Variants in DLGAP2 observed in about 807,000 individuals in gnomAD.
The protein encoded by DLGAP2 is disks large-associated protein 2.
A neutral mutation model predicts 100.3 loss-of-function variants in DLGAP2; 26 were observed. The observed-to-expected ratio is 0.26, with a 90% confidence interval of 0.19 to 0.36. The LOEUF (loss-of-function observed/expected upper bound fraction) is 0.36. Among genes scored for constraint, DLGAP2 ranks in the 10% least tolerant of loss-of-function variants. The pLI, the probability that DLGAP2 is intolerant of heterozygous loss-of-function variation, is 1.00. For synonymous variants in DLGAP2, 886 were observed against 630.1 expected, an observed-to-expected ratio of 1.41 and a Z score of -6.08; for missense variants, 1,858 against 1,453.2, an observed-to-expected ratio of 1.28 and a Z score of -4.53.
intron 2 of DLGAP2, among the ~76,000 whole-genome samples, chr8:1,175,845 C>T (rs570677490): frequency 6.6e-6 from 1 of 152,308 alleles, no homozygotes; most frequent in Admixed American, 6.5e-5. Flanking sequence ...ATTGGATTTA[C>T]ACAAACCTAG....
At position 1,007,152 on chromosome 8, in the gene DLGAP2, A is replaced by G. The variant is rs1459525655; in HGVS notation, c.73+99186A>G. 3.3e-5 allele frequency among the ~76,000 whole-genome samples: 5 copies of G among 150,400 alleles called. No individual in the cohort carries two copies. The East Asian group carries it at 1.0e-3, about 30-fold the overall frequency. The stretch of plus-strand genomic sequence containing the variant: ...GATATGGTCCTTTATCACGTCGGGT[A>G]TGCCGTGTATATGAAGTCTCGGGAT... On this transcript the variant is annotated intron_variant, in intron 2 of 14. Coordinates refer to ENST00000637795, the MANE Select transcript of DLGAP2 (RefSeq NM_001346810.2).
chr8:827,217 A>G (rs1190629254), intron 1 of DLGAP2, among the ~76,000 whole-genome samples: 1 of 152,192 alleles, frequency 6.6e-6, no homozygotes, highest in African/African-American at 2.4e-5. Flanking sequence ...CTTCATTTGT[A>G]TTACCTAACC....
intron 3 of DLGAP2, among the ~76,000 whole-genome samples, chr8:1,288,086 AGT>A (rs1255759349): frequency 1.9e-5 from 2 of 105,492 alleles, no homozygotes; most frequent in African/African-American, 3.9e-5. Flanking sequence ...GTTTCGGTTC[AGT>A]GTGTGTGTGT....
intron 2 of DLGAP2, among the ~76,000 whole-genome samples, chr8:1,210,937 G>A (rs1159480160): frequency 9.1e-6 from 1 of 110,132 alleles, no homozygotes; most frequent in Non-Finnish European, 2.2e-5. Flanking sequence ...AGCAATCAAT[G>A]CCATTTTCCA....
chr8:1,294,072 G>A (rs1231353106), intron 3 of DLGAP2, among the ~76,000 whole-genome samples: 1 of 152,078 alleles, frequency 6.6e-6, no homozygotes, highest in African/African-American at 2.4e-5. Context: ...ACTCGCCCTC[G>A]CTTCCTGGAA....
rs60041734 is a variant in DLGAP2, at chr8:939,004, G to A, written c.73+31038G>A. Among the ~76,000 whole-genome samples, 516 of 152,364 alleles carry A rather than the reference G, an allele frequency of 3.4e-3. 3 individuals carry two copies. Among genetic ancestry groups the A allele is most frequent in the African/African-American group, 0.011 (460 of 41,574 alleles). On this transcript the variant is annotated intron_variant, in intron 2 of 14. Transcript: ENST00000637795. ...ACCTCTGCAGGCAACCTCCAGAGAC[G>A]CAGCAGAGCAGCCACCGGCAGGGCT...
intron 1 of DLGAP2, among the ~76,000 whole-genome samples, chr8:769,704 G>C (rs961854698): frequency 6.6e-6 from 1 of 152,146 alleles, no homozygotes; most frequent in Non-Finnish European, 1.5e-5. Flanking sequence ...AGGGGCAACA[G>C]AGACACTCAT....
At chr8:821,719 A>G (rs961010376) in intron 1 of DLGAP2, among the ~76,000 whole-genome samples, 1 of 152,230 alleles carries the variant, frequency 6.6e-6, no homozygotes, top group African/African-American at 2.4e-5. Context: ...TCATCAAATT[A>G]TATAAGGAAT....
At chr8:886,456 C>T (rs547984669) in intron 1 of DLGAP2, among the ~76,000 whole-genome samples, 1 of 152,140 alleles carries the variant, frequency 6.6e-6, no homozygotes, top group South Asian at 2.1e-4. Context: ...CTTATAATTG[C>T]ACTGTTGGGG....
At chr8:1,090,954 T>C (rs756185978) in intron 2 of DLGAP2, among the ~76,000 whole-genome samples, 3 of 152,210 alleles carry the variant, frequency 2.0e-5, no homozygotes, top group African/African-American at 4.8e-5. Context: ...ACTGATTACT[T>C]TGGAAGAACA....
rs1005525914 is a variant in DLGAP2, at chr8:1,391,183, A to C, written c.107-110183A>C. Among the ~76,000 whole-genome samples, 6 of 152,232 alleles carry C rather than the reference A, an allele frequency of 3.9e-5. 1 individual carries two copies. The highest frequency in any genetic ancestry group is 1.4e-4 in the African/African-American group (6 of 41,468). ...TGGCTAGATGGGAATTGGAAAGATTAACTCAGAAGTTCCCATGGGGACATT... is the reference window on the plus strand; with the variant it reads ...TGGCTAGATGGGAATTGGAAAGATTCACTCAGAAGTTCCCATGGGGACATT... On this transcript the variant is annotated intron_variant, in intron 3 of 14. Transcript: ENST00000637795.
intron 2 of DLGAP2, among the ~76,000 whole-genome samples, chr8:982,131 C>T (rs147736684): frequency 3.3e-5 from 5 of 152,310 alleles, no homozygotes; most frequent in African/African-American, 4.8e-5. Context: ...GCTCTGGTGC[C>T]TTCCAGTGGA....
intron 3 of DLGAP2, among the ~76,000 whole-genome samples, chr8:1,455,793 G>A (rs1478132372): frequency 1.3e-5 from 2 of 152,176 alleles, no homozygotes; most frequent in African/African-American, 2.4e-5. Context: ...GTGAGTGTGC[G>A]GAAGGCACCA....
At chr8:1,227,778 A>C (rs961016207) in intron 2 of DLGAP2, among the ~76,000 whole-genome samples, 47 of 152,308 alleles carry the variant, frequency 3.1e-4, no homozygotes, top group African/African-American at 1.1e-3. Flanking sequence ...AATGTAGGTG[A>C]GAGGGTACAA....
chr8:862,406 C>T (rs543639259), intron 1 of DLGAP2, among the ~76,000 whole-genome samples: 2 of 152,060 alleles, frequency 1.3e-5, no homozygotes, highest in African/African-American at 2.4e-5. Flanking sequence ...GGGTTCATGC[C>T]ATTCTCCTGC....
At chr8:1,480,637 G>A (rs191570722) in intron 3 of DLGAP2, among the ~76,000 whole-genome samples, 192 of 142,336 alleles carry the variant, frequency 1.3e-3, no homozygotes, top group African/African-American at 4.4e-3. Flanking sequence ...ATCACCTGAG[G>A]TCAGGAGTTC....
At chr8:1,073,707 A>G (rs2129037820) in intron 2 of DLGAP2, among the ~76,000 whole-genome samples, 1 of 152,350 alleles carries the variant, frequency 6.6e-6, no homozygotes, top group Non-Finnish European at 1.5e-5. Context: ...GAATTTGGCC[A>G]GTGCTTTCCA....
chr8:1,160,110 G>A (rs1268184312), intron 2 of DLGAP2, among the ~76,000 whole-genome samples: 3 of 152,340 alleles, frequency 2.0e-5, no homozygotes, highest in Non-Finnish European at 4.4e-5. Flanking sequence ...AGCTGACGCC[G>A]CGGCCCGTGG....
chr8:872,544 C>G (rs1239696977), intron 1 of DLGAP2, among the ~76,000 whole-genome samples: 1 of 152,008 alleles, frequency 6.6e-6, no homozygotes, highest in Non-Finnish European at 1.5e-5. Context: ...GTTGGCCAGG[C>G]TGGTCTCAAA....
Sources: gnomAD v4.1 joint callset for allele counts (sites outside exome capture counted in the v4.1 genomes callset) on GRCh38, gnomAD v4.1.1 for gene constraint, MANE v1.5 for transcripts, NCBI Gene and HGNC (gene_info 2026-07-23, HGNC 2026-07-21) for gene names.